OXR1: variants seen among roughly 807,000 people sequenced by gnomAD.
OXR1 encodes oxidation resistance protein 1.
OXR1 carries 41 observed loss-of-function variants against 104.6 expected under a neutral mutation model. That is an observed-to-expected ratio of 0.39 (90% CI 0.31 to 0.51). The LOEUF (loss-of-function observed/expected upper bound fraction) is 0.51, where lower values mean the gene tolerates loss of function less well. Among genes scored for constraint, OXR1 ranks in the 20% least tolerant of loss-of-function variants. The pLI is 0.77. For synonymous variants in OXR1, 348 were observed against 348.4 expected (o/e 1.00, Z 0.01); for missense variants, 955 against 1,031.9 (o/e 0.93, Z 1.02).
At chr8:106,436,970 G>A (rs571657686) in intron 2 of OXR1, among the ~76,000 whole-genome samples, 43 of 152,266 alleles carry the variant, frequency 2.8e-4, no homozygotes, top group Non-Finnish European at 5.4e-4. Flanking sequence ...AAAAGAAAGG[G>A]GGGTGACTAT....
At chr8:106,686,801 C>T (rs1238962540) in intron 6 of OXR1, among the ~76,000 whole-genome samples, 1 of 152,046 alleles carries the variant, frequency 6.6e-6, no homozygotes, top group Non-Finnish European at 1.5e-5. Context: ...TTCGTTTTCA[C>T]TTAAAAATAT....
intron 1 of OXR1, among the ~76,000 whole-genome samples, chr8:106,349,898 A>G (rs1281741572): frequency 3.9e-5 from 6 of 152,210 alleles, no homozygotes; most frequent in African/African-American, 1.4e-4. Context: ...ACAGAAGCCT[A>G]TTGGAATCAG....
chr8:106,653,720 T>C (rs1824818915), intron 3 of OXR1, among the ~76,000 whole-genome samples: 1 of 151,938 alleles, frequency 6.6e-6, no homozygotes, highest in Non-Finnish European at 1.5e-5. Context: ...TTCTATTTAA[T>C]ATTGTACTGA....
At chr8:106,736,777 A>G (rs902207723) in intron 11 of OXR1, among the ~76,000 whole-genome samples, 6 of 152,298 alleles carry the variant, frequency 3.9e-5, no homozygotes, top group Non-Finnish European at 7.4e-5. Flanking sequence ...TTTGAAAGTT[A>G]AAATGTAGGA....
chr8:106,291,536 T>C (rs1812751543), intron 1 of OXR1, among the ~76,000 whole-genome samples: 3 of 152,230 alleles, frequency 2.0e-5, no homozygotes, highest in Non-Finnish European at 4.4e-5. Flanking sequence ...GTCTCCCACT[T>C]AACTGTAGTT....
At chr8:106,465,715 A>G (rs1400058385) in intron 2 of OXR1, among the ~76,000 whole-genome samples, 3 of 152,032 alleles carry the variant, frequency 2.0e-5, no homozygotes, top group Non-Finnish European at 4.4e-5. Flanking sequence ...TTCAGTAACT[A>G]GAAGACTAGA....
intron 3 of OXR1, among the ~76,000 whole-genome samples, chr8:106,566,246 A>G (rs1208206766): frequency 6.6e-6 from 1 of 152,214 alleles, no homozygotes; most frequent in African/African-American, 2.4e-5. Flanking sequence ...GCGAAGATCC[A>G]GATTCTACAA....
In OXR1 at chr8:106,495,055, C is replaced by T. The variant is rs537494257; in HGVS notation, c.24-23888C>T. On this transcript the variant is annotated intron_variant, in intron 2 of 16. Transcript: ENST00000517566. ...CTGATAGCCGATTTGCCCCTGCACA[C>T]CACTGCTCAGTAATATTTGTGATTC... is the stretch of plus-strand genomic sequence containing the variant. Among the ~76,000 whole-genome samples, 4 of 152,140 alleles carry T rather than the reference C, an allele frequency of 2.6e-5. No individual in the cohort carries two copies. In the East Asian group the frequency reaches 7.7e-4, roughly 29 times the overall value.
At chr8:106,541,995 T>C (rs571317443) in intron 3 of OXR1, among the ~76,000 whole-genome samples, 1 of 152,322 alleles carries the variant, frequency 6.6e-6, no homozygotes, top group Non-Finnish European at 1.5e-5. Context: ...AAATTAAGGC[T>C]CAGACATGTT....
chr8:106,632,772 C>A lies in OXR1; in HGVS notation c.221-46438C>A, dbSNP rs564127244. 5.3e-5 allele frequency among the ~76,000 whole-genome samples: 8 copies of A among 152,074 alleles called. No homozygotes were observed. The South Asian group carries it at 1.5e-3, about 28-fold the overall frequency. ...GCAACTGGCAAAACCCTGTCTCTAC[C>A]AAAAATACAACAAAAAATTAGCTGG... On this transcript the variant is annotated intron_variant, in intron 3 of 16. Coordinates refer to ENST00000517566, the MANE Select transcript of OXR1 (RefSeq NM_001198533.2).
chr8:106,551,912 A>G (rs1467098937), intron 3 of OXR1, among the ~76,000 whole-genome samples: 2 of 148,152 alleles, frequency 1.3e-5, no homozygotes. Context: ...ATTTATATAT[A>G]TATAGCGGCC....
At chr8:106,539,903 A>T (rs1814822165) in intron 3 of OXR1, among the ~76,000 whole-genome samples, 1 of 152,244 alleles carries the variant, frequency 6.6e-6, no homozygotes, top group Admixed American at 6.5e-5. Context: ...GAGTGAGATC[A>T]ACATATGACA....
chr8:106,639,905 A>C (rs1823485840), intron 3 of OXR1, among the ~76,000 whole-genome samples: 1 of 152,202 alleles, frequency 6.6e-6, no homozygotes, highest in African/African-American at 2.4e-5. Flanking sequence ...ACAGACACAT[A>C]AACAAAAAAT....
At chr8:106,456,831 G>A (rs907344096) in intron 2 of OXR1, among the ~76,000 whole-genome samples, 71 of 152,220 alleles carry the variant, frequency 4.7e-4, no homozygotes, top group African/African-American at 1.7e-3. Flanking sequence ...AGGAATCCAG[G>A]AGACCAAATA....
chr8:106,600,245 C>A (rs1297915087), intron 3 of OXR1, among the ~76,000 whole-genome samples: 1 of 152,146 alleles, frequency 6.6e-6, no homozygotes, highest in Non-Finnish European at 1.5e-5. Context: ...GAGCATATGT[C>A]CTATTTAAAG....
intron 3 of OXR1, among the ~76,000 whole-genome samples, chr8:106,649,792 G>C (rs1243291758): frequency 6.6e-6 from 1 of 151,932 alleles, no homozygotes; most frequent in Non-Finnish European, 1.5e-5. Flanking sequence ...TGCCTCCCAG[G>C]TTCACGCCAT....
intron 3 of OXR1, among the ~76,000 whole-genome samples, chr8:106,524,124 C>T (rs1042597268): frequency 2.0e-5 from 3 of 152,118 alleles, no homozygotes; most frequent in African/African-American, 7.2e-5. Flanking sequence ...TTACATAAAA[C>T]CATTTGAATT....
chr8:106,348,947 T>C (rs536404230), intron 1 of OXR1, among the ~76,000 whole-genome samples: 1 of 152,290 alleles, frequency 6.6e-6, no homozygotes, highest in African/African-American at 2.4e-5. Context: ...AATTTGCATA[T>C]GTAAGTGCTT....
chr8:106,367,624 A>T (rs1816530554), intron 2 of OXR1, among the ~76,000 whole-genome samples: 1 of 152,112 alleles, frequency 6.6e-6, no homozygotes, highest in African/African-American at 2.4e-5. Flanking sequence ...AATGACAGAA[A>T]TTTCTGCTCT....
Sources: gnomAD v4.1 joint callset for allele counts (sites outside exome capture counted in the v4.1 genomes callset) on GRCh38, gnomAD v4.1.1 for gene constraint, MANE v1.5 for transcripts, NCBI Gene and HGNC (gene_info 2026-07-23, HGNC 2026-07-21) for gene names.